NEO1: variants seen among roughly 807,000 people sequenced by gnomAD.
NEO1 encodes the protein neogenin.
A neutral mutation model predicts 159.7 loss-of-function variants in NEO1; 63 were observed. That is an observed-to-expected ratio of 0.39 (90% confidence interval 0.32 to 0.49). The LOEUF is 0.49. Ranked by LOEUF, NEO1 falls within the 20% of genes least tolerant of loss-of-function variation. The pLI is 0.85. For synonymous variants in NEO1, 633 were observed against 662.0 expected, an observed-to-expected ratio of 0.96 and a Z score of 0.67; for missense variants, 1,615 against 1,831.0, an observed-to-expected ratio of 0.88 and a Z score of 2.15.
At chr15:73,171,554 A>G (rs1186218072) in intron 5 of NEO1, among the ~76,000 whole-genome samples, 1 of 151,814 alleles carries the variant, frequency 6.6e-6, no homozygotes. Flanking sequence ...ACAGAGTGAG[A>G]ACATTGGCCA....
intron 2 of NEO1, among the ~76,000 whole-genome samples, chr15:73,121,518 T>C (rs1403616361): frequency 6.6e-6 from 1 of 152,190 alleles, no homozygotes; most frequent in Non-Finnish European, 1.5e-5. Flanking sequence ...CTTGGTACTT[T>C]TGTTAGTTAA....
chr15:73,100,104 G>A (rs570612574), intron 1 of NEO1, among the ~76,000 whole-genome samples: 2 of 151,794 alleles, frequency 1.3e-5, no homozygotes, highest in African/African-American at 2.4e-5. Flanking sequence ...CTTTAACCTC[G>A]TCATCTCCAG....
chr15:73,302,753 T>A lies in NEO1; in HGVS notation c.*57T>A. ...AGTCTGGAAGTCTTGGAACTTACCC[T>A]TGAAAACAAGGAATTGTACAGAGTA... On this transcript the variant is annotated 3_prime_UTR_variant, in exon 29 of 29. Coordinates refer to ENST00000261908, the MANE Select transcript of NEO1 (RefSeq NM_002499.4). 1 of 1,479,642 alleles carries A rather than the reference T, an allele frequency of 6.8e-7. No homozygotes were observed. The highest frequency in any genetic ancestry group is 9.4e-7 in the Non-Finnish European group (1 of 1,064,740). 91.7% of individuals were successfully genotyped at this position (1,479,642 alleles called of 1,614,324 possible).
intron 1 of NEO1, among the ~76,000 whole-genome samples, chr15:73,060,519 C>T (rs530235608): frequency 5.9e-5 from 9 of 152,260 alleles, no homozygotes; most frequent in Non-Finnish European, 1.0e-4. Context: ...CTGCCCGCCT[C>T]GGCCTCCCAA....
In NEO1 at chr15:73,166,250, T is replaced by C. The variant is rs1335611832; in HGVS notation, c.1016-10153T>C. On this transcript the variant is annotated intron_variant, in intron 5 of 28. Coordinates refer to ENST00000261908, the MANE Select transcript of NEO1 (RefSeq NM_002499.4). ...GAGAAATTGGAACCCTTTTGCACTTTTGGTACAGCGAAAAGTATAGTTGCT... is the reference window on the plus strand; with the variant it reads ...GAGAAATTGGAACCCTTTTGCACTTCTGGTACAGCGAAAAGTATAGTTGCT... Among the ~76,000 whole-genome samples the C allele has an allele frequency of 1.3e-4, 20 of 152,336 alleles. No individual in the cohort carries two copies. In the East Asian group the frequency reaches 3.9e-3, roughly 29 times the overall value.
At chr15:73,119,758 A>G (rs529849647) in intron 2 of NEO1, among the ~76,000 whole-genome samples, 3 of 152,206 alleles carry the variant, frequency 2.0e-5, no homozygotes, top group African/African-American at 7.2e-5. Flanking sequence ...TTGTCTGCCA[A>G]TTCTCCATAT....
intron 1 of NEO1, among the ~76,000 whole-genome samples, chr15:73,058,243 C>G (rs775017116): frequency 2.0e-5 from 3 of 152,128 alleles, no homozygotes; most frequent in Non-Finnish European, 4.4e-5. Context: ...GGCATTGTGC[C>G]ATGCTCTTTC....
chr15:73,289,751 T>C (rs568242067), intron 25 of NEO1, among the ~76,000 whole-genome samples: 6 of 152,102 alleles, frequency 3.9e-5, no homozygotes, highest in Non-Finnish European at 8.8e-5. Flanking sequence ...TAGACCAGCC[T>C]GGGCAATGTA....
chr15:73,214,451 A>C (rs1241307574), intron 7 of NEO1, among the ~76,000 whole-genome samples: 2 of 152,178 alleles, frequency 1.3e-5, no homozygotes, highest in African/African-American at 4.8e-5. Flanking sequence ...TTTTCATATA[A>C]GGTGAGAGTT....
At chr15:73,204,758 A>T (rs897703478) in intron 7 of NEO1, among the ~76,000 whole-genome samples, 3 of 151,726 alleles carry the variant, frequency 2.0e-5, no homozygotes, top group Non-Finnish European at 2.9e-5. Flanking sequence ...TCTTTTTCTG[A>T]TGGTTGTTTT....
chr15:73,134,751 G>A (rs2031555148), intron 4 of NEO1, among the ~76,000 whole-genome samples: 1 of 151,898 alleles, frequency 6.6e-6, no homozygotes. Context: ...GGTTTCTCCT[G>A]TAATCCCAGC....
At chr15:73,215,486 A>T (rs2037824625) in intron 7 of NEO1, among the ~76,000 whole-genome samples, 1 of 152,200 alleles carries the variant, frequency 6.6e-6, no homozygotes. Flanking sequence ...AATTTTAATC[A>T]TAAAGGGATA....
At chr15:73,171,699 T>A (rs961624546) in intron 5 of NEO1, among the ~76,000 whole-genome samples, 3 of 151,092 alleles carry the variant, frequency 2.0e-5, no homozygotes, top group Non-Finnish European at 2.9e-5. Context: ...TGAAGTGCCG[T>A]GGCACAATCC....
At position 73,176,685 on chromosome 15, in the gene NEO1, T is replaced by A. The variant is rs1468521892; in HGVS notation, c.1170+128T>A. On this transcript the variant is annotated intron_variant, in intron 6 of 28. Transcript: ENST00000261908. ...TGCAAATGAAATAGAAGAATTCACA[T>A]AGAATGTAATACCTTCATTGGCTGA... 4.8e-6 allele frequency: 3 copies of A among 630,662 alleles called. No homozygotes were observed. In the East Asian group the frequency reaches 9.4e-5, roughly 20 times the overall value. 39.1% of individuals were successfully genotyped at this position (630,662 alleles called of 1,614,324 possible). A position where few individuals can be genotyped will look rare whatever the true frequency, so the allele number is the denominator to read the frequency against.
chr15:73,291,082 A>C (rs76601684), intron 25 of NEO1, among the ~76,000 whole-genome samples: 2,062 of 152,338 alleles, frequency 0.014, 19 homozygotes, highest in South Asian at 0.017. Flanking sequence ...TTGGAAATGC[A>C]GGGGAAAACC....
chr15:73,120,428 G>A lies in NEO1; in HGVS notation c.449-2097G>A, dbSNP rs142674732. 4.7e-3 allele frequency among the ~76,000 whole-genome samples: 703 copies of A among 150,664 alleles called. 22 individuals are homozygous for A. Among genetic ancestry groups the A allele is most frequent in the Admixed American group, 0.04 (607 of 15,174 alleles). ...AAGAAAAAGAAAAAGTTTATTGCAG[G>A]GCTGTAAAACCTGTGTGATTTATGT... On this transcript the variant is annotated intron_variant, in intron 2 of 28. Transcript: ENST00000261908.
intron 1 of NEO1, among the ~76,000 whole-genome samples, chr15:73,069,472 A>T (rs1276074211): frequency 6.6e-6 from 1 of 151,720 alleles, no homozygotes; most frequent in Non-Finnish European, 1.5e-5. Flanking sequence ...TTTTTAACCC[A>T]TTAGTTAGAT....
chr15:73,090,259 A>G (rs559454026), intron 1 of NEO1, among the ~76,000 whole-genome samples: 5 of 152,200 alleles, frequency 3.3e-5, no homozygotes, highest in South Asian at 2.1e-4. Flanking sequence ...CAGTAGCGCA[A>G]TCTTGGCTCA....
intron 26 of NEO1, among the ~76,000 whole-genome samples, chr15:73,296,783 G>A (rs1467929034): frequency 1.3e-5 from 2 of 152,124 alleles, no homozygotes; most frequent in South Asian, 2.1e-4. Context: ...GGTAGTGTAC[G>A]CAGTCTGGAT....
Sources: allele counts gnomAD v4.1 joint callset (sites outside exome capture counted in the v4.1 genomes callset), GRCh38; gene constraint gnomAD v4.1.1; transcripts MANE v1.5; gene names NCBI Gene and HGNC (gene_info 2026-07-23, HGNC 2026-07-21).